HDX: variants seen among roughly 807,000 people sequenced by gnomAD.
HDX encodes the protein chromosome X open reading frame 43.
HDX carries 19 observed loss-of-function variants against 45.2 expected under a neutral mutation model. The ratio of observed to expected loss-of-function variants is 0.42; its 90% CI spans 0.29 to 0.62. The LOEUF (loss-of-function observed/expected upper bound fraction) is 0.62. HDX is among the 20% of genes least tolerant of loss of function. The pLI is 0.20. For synonymous variants in HDX, 188 were observed against 172.8 expected, an observed-to-expected ratio of 1.09 and a Z score of -0.69; for missense variants, 532 against 493.9, an observed-to-expected ratio of 1.08 and a Z score of -0.73.
intron 5 of HDX, among the ~76,000 whole-genome samples, chrX:84,420,378 T>C (rs747737083): frequency 9.0e-6 from 1 of 110,706 alleles, no homozygotes; most frequent in Non-Finnish European, 1.9e-5. Flanking sequence ...ATAGTAGAAA[T>C]GATCAAACGG....
intron 5 of HDX, among the ~76,000 whole-genome samples, chrX:84,373,195 T>A (rs1302576349): frequency 9.0e-6 from 1 of 111,179 alleles, no homozygotes; most frequent in African/African-American, 3.3e-5. Flanking sequence ...CTTACTCATG[T>A]TTGAAAGAAT....
intron 6 of HDX, among the ~76,000 whole-genome samples, chrX:84,355,728 A>C (rs1387295015): frequency 1.8e-5 from 2 of 109,273 alleles, no homozygotes. Flanking sequence ...AGGAGGGGGG[A>C]GGGATAGCAT....
rs138667310 is a variant in HDX at position 84,494,572 on chromosome X, T to G, written c.-109-6440A>C. On this transcript the variant is annotated intron_variant, in intron 1 of 10. Coordinates refer to ENST00000373177, the MANE Select transcript of HDX (RefSeq NM_001177479.2). Reference sequence around the variant, plus strand: ...TCACACATTAGAGGTTAGGGGGATATCCCTCAAAGTACACCATCAAGTGGT... The same window carrying G: ...TCACACATTAGAGGTTAGGGGGATAGCCCTCAAAGTACACCATCAAGTGGT... Among the ~76,000 whole-genome samples, 444 of 111,889 alleles carry G rather than the reference T, an allele frequency of 4.0e-3. 2 individuals carry two copies. Among genetic ancestry groups the G allele is most frequent in the African/African-American group, 0.013 (415 of 30,819 alleles).
chrX:84,385,196 CTTTTTTTTTTTTTTTTTTTT>C (rs146043472), intron 5 of HDX, among the ~76,000 whole-genome samples: 1 of 29,528 alleles, frequency 3.4e-5, no homozygotes, highest in East Asian at 1.5e-3. Flanking sequence ...TCTCTGATTT[CTTTTTTTTTTTTTTTTTTTT>C]TTTTTTTTTT....
intron 8 of HDX, among the ~76,000 whole-genome samples, chrX:84,336,565 T>C (rs763086835): frequency 8.1e-5 from 9 of 111,417 alleles, no homozygotes; most frequent in African/African-American, 2.9e-4. Flanking sequence ...ACATACCAAG[T>C]ATTGGGTTTT....
intron 1 of HDX, among the ~76,000 whole-genome samples, chrX:84,494,866 T>C (rs1325589262): frequency 1.8e-5 from 2 of 111,423 alleles, no homozygotes; most frequent in Non-Finnish European, 3.8e-5. Flanking sequence ...AAAATCAGTA[T>C]CTTGAAGATA....
chrX:84,358,135 T>C (rs1055845390), intron 6 of HDX, among the ~76,000 whole-genome samples: 8 of 112,102 alleles, frequency 7.1e-5, no homozygotes, highest in Non-Finnish European at 1.5e-4. Flanking sequence ...TAAGCCATTG[T>C]TACTTTTGGG....
intron 1 of HDX, among the ~76,000 whole-genome samples, chrX:84,492,604 G>A (rs56349413): frequency 9.1e-6 from 1 of 110,462 alleles, no homozygotes; most frequent in African/African-American, 3.3e-5. Context: ...AATGTGCTAC[G>A]CCAAGCCTAT....
intron 4 of HDX, 57 bp downstream of exon 4, chrX:84,468,415 T>G: frequency 1.3e-6 from 1 of 786,622 alleles, no homozygotes; most frequent in South Asian, 3.1e-5. Flanking sequence ...AGGTCCCAAA[T>G]CTAACTGGAT....
chrX:84,391,625 T>G (rs2038445540), intron 5 of HDX, among the ~76,000 whole-genome samples: 1 of 111,859 alleles, frequency 8.9e-6, no homozygotes, highest in Admixed American at 9.5e-5. Flanking sequence ...ATTTTTTGTC[T>G]TTTGGATAAA....
intron 4 of HDX, among the ~76,000 whole-genome samples, chrX:84,460,538 G>A (rs149702843): frequency 1.2e-3 from 133 of 111,360 alleles, no homozygotes; most frequent in African/African-American, 3.9e-3. Flanking sequence ...GGGTACAGGA[G>A]GAGCATACCA....
chrX:84,340,625 C>T (rs1311454170), intron 7 of HDX, among the ~76,000 whole-genome samples: 2 of 111,278 alleles, frequency 1.8e-5, no homozygotes, highest in African/African-American at 6.5e-5. Flanking sequence ...ATATGATTCA[C>T]TTAATCAAAC....
chrX:84,495,509 A>G (rs1045462243), intron 1 of HDX, among the ~76,000 whole-genome samples: 1 of 111,609 alleles, frequency 9.0e-6, no homozygotes, highest in African/African-American at 3.3e-5. Flanking sequence ...CAAATACTTT[A>G]AAGAGTAAGA....
intron 5 of HDX, among the ~76,000 whole-genome samples, chrX:84,423,890 T>G (rs1232119110): frequency 9.0e-6 from 1 of 111,230 alleles, no homozygotes; most frequent in Non-Finnish European, 1.9e-5. Flanking sequence ...AACCGAAAGA[T>G]TTCCTCTAAC....
intron 5 of HDX, among the ~76,000 whole-genome samples, chrX:84,423,459 A>G (rs1423143203): frequency 4.0e-5 from 4 of 99,962 alleles, no homozygotes; most frequent in Admixed American, 2.2e-4. Context: ...TATTACCCTG[A>G]TAACCAAAAC....
intron 1 of HDX, among the ~76,000 whole-genome samples, chrX:84,488,376 C>T (rs911503454): frequency 5.2e-4 from 55 of 106,273 alleles, no homozygotes; most frequent in African/African-American, 1.5e-3. Flanking sequence ...ACCAGTTTTC[C>T]GTCTTTCTCA....
chrX:84,348,103 T>C (rs1472700886), intron 6 of HDX, among the ~76,000 whole-genome samples: 1 of 111,325 alleles, frequency 9.0e-6, no homozygotes, highest in East Asian at 2.8e-4. Context: ...ATTAGACATA[T>C]GTTACACCTG....
chrX:84,318,914 A>C lies in HDX; in HGVS notation c.*2975T>G, dbSNP rs1374044206. ...AATTTTCTTTTAAGGTTTTCTTTGC[A>C]TGTGCTAATTTTCCTATTCTCCAGA... On this transcript the variant is annotated 3_prime_UTR_variant, in exon 11 of 11. Transcript: ENST00000373177. 1 of 111,160 alleles carries C rather than the reference A, an allele frequency of 9.0e-6. No individual in the cohort carries two copies. The highest frequency in any genetic ancestry group is 1.9e-5 in the Non-Finnish European group (1 of 52,587). 9.2% of individuals were successfully genotyped at this position (111,160 alleles called of 1,213,427 possible). A position where few individuals can be genotyped will look rare whatever the true frequency, so the allele number is the denominator to read the frequency against.
chrX:84,462,022 A>G (rs150220219), intron 4 of HDX, among the ~76,000 whole-genome samples: 1,515 of 112,122 alleles, frequency 0.014, 34 homozygotes, highest in African/African-American at 0.048. Flanking sequence ...GCAATAACAA[A>G]TGCTGGTGAA....
Sources: allele counts gnomAD v4.1 joint callset (sites outside exome capture counted in the v4.1 genomes callset), GRCh38; gene constraint gnomAD v4.1.1; transcripts MANE v1.5; gene names NCBI Gene and HGNC (gene_info 2026-07-23, HGNC 2026-07-21).